WIPF2: variants seen among roughly 807,000 people sequenced by gnomAD.
WIPF2 encodes WAS/WASL interacting protein family member 2.
Under a neutral mutation model 38.8 loss-of-function variants are expected in WIPF2, and 23 were observed. The observed-to-expected ratio is 0.59, with a 90% CI of 0.43 to 0.84. WIPF2 has a LOEUF of 0.84. Among genes scored for constraint, WIPF2 ranks in the 40% least tolerant of loss-of-function variants. The pLI, the probability that WIPF2 is intolerant of heterozygous loss-of-function variation, is 0.00. For synonymous variants in WIPF2, 210 were observed against 223.2 expected (o/e 0.94, Z 0.53); for missense variants, 574 against 580.5 (o/e 0.99, Z 0.11).
At chr17:40,220,612 TATATATGTATATATA>T (rs2030179257) in intron 1 of WIPF2, 1 of 123,854 alleles carries the variant, frequency 8.1e-6, no homozygotes, top group Non-Finnish European at 1.6e-5. Context: ...TATATATATA[TATATATGTATATATA>T]TATATTTTTT....
At chr17:40,235,699 G>A (rs1409009010) in intron 1 of WIPF2, among the ~76,000 whole-genome samples, 1 of 147,548 alleles carries the variant, frequency 6.8e-6, no homozygotes. Context: ...TCAGCCTCCC[G>A]AGTAGCTGGG....
intron 2 of WIPF2, among the ~76,000 whole-genome samples, chr17:40,257,838 C>A (rs1210505234): frequency 1.3e-5 from 2 of 151,582 alleles, no homozygotes; most frequent in African/African-American, 2.4e-5. Context: ...GAAGAATAGG[C>A]CATGGGTGTG....
At chr17:40,268,491 G>A (rs1199698074) in intron 5 of WIPF2, among the ~76,000 whole-genome samples, 3 of 152,092 alleles carry the variant, frequency 2.0e-5, no homozygotes, top group Non-Finnish European at 4.4e-5. Flanking sequence ...GGGTTGAGCT[G>A]AGCACTTTTA....
Position 40,219,398 on chromosome 17 carries a change from C to G in WIPF2, c.-164C>G, listed in dbSNP as rs1252923513. 1 of 411,862 alleles carries G rather than the reference C, an allele frequency of 2.4e-6. No homozygotes were observed. Among genetic ancestry groups the G allele is most frequent in the Non-Finnish European group, 4.6e-6 (1 of 217,478 alleles). 25.5% of individuals were successfully genotyped at this position (411,862 alleles called of 1,614,324 possible). A position where few individuals can be genotyped will look rare whatever the true frequency, so the allele number is the denominator to read the frequency against. On this transcript the variant is annotated 5_prime_UTR_variant, in exon 1 of 8. Transcript: ENST00000323571. ...GCGGCGGCGGCGGCGGCGGCGGCGG[C>G]GACGGCGAGAAAGAGCTTGCCGGGG...
intron 4 of WIPF2, 103 bp from the exon 5 acceptor site, chr17:40,264,387 T>G (rs908953853): frequency 3.0e-5 from 26 of 876,258 alleles, no homozygotes; most frequent in Non-Finnish European, 4.0e-5. Flanking sequence ...TTCAATTCCT[T>G]TCCCTGCTGC....
In WIPF2 at chr17:40,262,625, A is replaced by C. The variant is rs565623956; in HGVS notation, c.297A>C (p.Gly99=). ...GAGTGCTGAAGCTTCGACCTGTGGG[A>C]GCCAAGGATGGTTCAGGTATCTGAT... ...QGGVLKLRPV[G]AKDGSENLAG... The change falls in exon 4 of 8, where the codon GGA becomes GGC. Residue 99 remains glycine, a synonymous_variant. Coordinates refer to ENST00000323571, the MANE Select transcript of WIPF2 (RefSeq NM_133264.5). 4.3e-6 allele frequency: 7 copies of C among 1,613,776 alleles called. No individual in the cohort carries two copies. In the South Asian group the frequency reaches 5.5e-5, roughly 13 times the overall value.
At chr17:40,273,748 G>A (rs747878417) in intron 5 of WIPF2, 42 bp from the exon 6 acceptor site, 14 of 1,278,834 alleles carry the variant, frequency 1.1e-5, no homozygotes, top group Middle Eastern at 2.6e-4. Context: ...ACCCCTTGCC[G>A]TCTCCACATC....
At chr17:40,259,656 G>C (rs1419929393) in intron 2 of WIPF2, among the ~76,000 whole-genome samples, 3 of 152,138 alleles carry the variant, frequency 2.0e-5, no homozygotes, top group Non-Finnish European at 2.9e-5. Flanking sequence ...AGACAGTAGG[G>C]TATGTTAGTT....
intron 1 of WIPF2, among the ~76,000 whole-genome samples, chr17:40,236,118 C>T (rs758949609): frequency 3.3e-5 from 5 of 151,698 alleles, no homozygotes; most frequent in African/African-American, 7.3e-5. Flanking sequence ...TCTGCCACCA[C>T]GCCTGGGCTA....
At chr17:40,276,520 C>CAAAAA (rs1160459322) in intron 6 of WIPF2, among the ~76,000 whole-genome samples, 34 of 71,588 alleles carry the variant, frequency 4.7e-4, no homozygotes, top group African/African-American at 1.7e-3. Flanking sequence ...GACTCCGTCT[C>CAAAAA]AAAAAAAAAA....
At chr17:40,228,815 A>T (rs2030612086) in intron 1 of WIPF2, among the ~76,000 whole-genome samples, 2 of 151,800 alleles carry the variant, frequency 1.3e-5, no homozygotes, top group African/African-American at 4.8e-5. Context: ...GTGAGGTCTC[A>T]CTTTGTTGCC....
chr17:40,263,554 C>G lies in WIPF2; in HGVS notation c.313+913C>G, dbSNP rs552886465. 1.1e-3 allele frequency among the ~76,000 whole-genome samples: 161 copies of G among 144,564 alleles called. 7 individuals are homozygous for G. The highest frequency in any genetic ancestry group is 3.6e-3 in the African/African-American group (143 of 39,424). The allele number at this position is 144,564 out of a possible 152,430, so 94.8% of individuals were successfully genotyped here. A position where few individuals can be genotyped will look rare whatever the true frequency, so the allele number is the denominator to read the frequency against. On this transcript the variant is annotated intron_variant, in intron 4 of 7. Transcript: ENST00000323571. ...TTTATTTTATTTATTCGTCCCCCCCCCCCCCGCAAATGGAGTCTTGCTCTG... is the reference window on the plus strand; with the variant it reads ...TTTATTTTATTTATTCGTCCCCCCCGCCCCCGCAAATGGAGTCTTGCTCTG...
In WIPF2 at chr17:40,264,744, C is replaced by G; in HGVS notation, c.568C>G (p.Pro190Ala). 2.5e-6 allele frequency: 4 copies of G among 1,608,818 alleles called. No homozygotes were observed. Among genetic ancestry groups the G allele is most frequent in the Non-Finnish European group, 3.4e-6 (4 of 1,177,484 alleles). ...PPPGRRANAP[P>A]TPLPMHSSKA... ...CCCAGGGCGGCGTGCCAACGCACCC[C>G]CCACACCTCTGCCTATGCACAGCAG... is the stretch of plus-strand genomic sequence containing the variant. The change falls in exon 5 of 8, where the codon CCC (proline) becomes GCC (alanine). Residue 190 changes from proline (P) to alanine (A), a missense_variant. By Grantham distance (27) the Pro-to-Ala change is conservative (BLOSUM62 -1). Transcript: ENST00000323571.
chr17:40,278,368 C>A lies in WIPF2; in HGVS notation c.*143C>A. The A allele has an allele frequency of 1.1e-6, 1 of 904,448 alleles. No individual in the cohort carries two copies. The allele number at this position is 904,448 out of a possible 1,614,324, so 56.0% of individuals were successfully genotyped here. On this transcript the variant is annotated 3_prime_UTR_variant, in exon 8 of 8. Coordinates refer to ENST00000323571, the MANE Select transcript of WIPF2 (RefSeq NM_133264.5). ...AAGCCCTAGACTCCAAATGTCCTCC[C>A]AGCTCACCTCCATCTATGCATCTCA...
chr17:40,273,349 T>A (rs564007402), intron 5 of WIPF2, among the ~76,000 whole-genome samples: 23 of 152,314 alleles, frequency 1.5e-4, no homozygotes, highest in African/African-American at 5.5e-4. Context: ...TTTGAGACTT[T>A]ATGATTTAGG....
Position 40,264,882 on chromosome 17 carries a change from C to G in WIPF2, c.706C>G (p.Pro236Ala). 2 of 1,614,208 alleles carry G rather than the reference C, an allele frequency of 1.2e-6. No individual in the cohort carries two copies. Among genetic ancestry groups the G allele is most frequent in the East Asian group, 4.5e-5 (2 of 44,882 alleles). The change falls in exon 5 of 8, where the codon CCT (proline) becomes GCT (alanine). Residue 236 changes from proline (P) to alanine (A), a missense_variant. Transcript: ENST00000323571. ...APPPVKPPPSPVNIRTGPSGQ... is the reference protein window; with the variant it reads ...APPPVKPPPSAVNIRTGPSGQ... ...ACCCCCAGTCAAACCACCTCCTTCC[C>G]CTGTGAATATCAGAACAGGACCAAG...
At chr17:40,225,262 A>ACTCT (rs61001349) in intron 1 of WIPF2, among the ~76,000 whole-genome samples, 22,041 of 146,902 alleles carry the variant, frequency 0.15, 1,685 homozygotes, top group East Asian at 0.29. Flanking sequence ...TTCTTTTCTC[A>ACTCT]CAAGCCATTG....
At chr17:40,223,192 G>A (rs993686372) in intron 1 of WIPF2, among the ~76,000 whole-genome samples, 57 of 152,104 alleles carry the variant, frequency 3.7e-4, no homozygotes, top group African/African-American at 1.3e-3. Flanking sequence ...TGCCCAGGCT[G>A]GAGTGCAATG....
intron 1 of WIPF2, among the ~76,000 whole-genome samples, chr17:40,251,337 C>A (rs1256550581): frequency 6.7e-6 from 1 of 149,616 alleles, no homozygotes; most frequent in Non-Finnish European, 1.5e-5. Context: ...TGTTTTGGTT[C>A]ATTTTTTTTT....
Sources: gnomAD v4.1 joint callset for allele counts (sites outside exome capture counted in the v4.1 genomes callset) on GRCh38, gnomAD v4.1.1 for gene constraint, MANE v1.5 for transcripts, NCBI Gene and HGNC (gene_info 2026-07-23, HGNC 2026-07-21) for gene names.